The following CEP85 variants were observed in gnomAD, a reference collection of about 807,000 sequenced individuals.
CEP85 encodes centrosomal protein of 85 kDa.
Under a neutral mutation model 93.7 loss-of-function variants are expected in CEP85, and 58 were observed. That is an observed-to-expected ratio of 0.62 (90% confidence interval 0.50 to 0.77). CEP85 has a LOEUF of 0.77. Among genes scored for constraint, CEP85 ranks in the 30% least tolerant of loss-of-function variants. The pLI, the probability that CEP85 is intolerant of heterozygous loss-of-function variation, is 0.00. For missense variants in CEP85, 868 were observed against 922.0 expected (o/e 0.94, Z 0.76); for synonymous variants, 314 against 338.6 (o/e 0.93, Z 0.80).
Position 26,239,829 on chromosome 1 carries a change from A to G in CEP85, c.46A>G (p.Thr16Ala), listed in dbSNP as rs371437850. The G allele has an allele frequency of 1.2e-6, 2 of 1,613,100 alleles. No homozygotes were observed. Among genetic ancestry groups the G allele is most frequent in the African/African-American group, 2.7e-5 (2 of 74,924 alleles). ...KYPTEGISHV[T>A]SPSSDVIQKG... ...TCCAACTGAGGGGATCTCTCACGTC[A>G]CTTCACCGAGTGAGTAGTCAGAAGT... The change falls in exon 2 of 14, where the codon ACT becomes GCT. Residue 16 changes from threonine (T) to alanine (A), a missense_variant. By Grantham distance (58) the Thr-to-Ala change is moderately conservative. Coordinates refer to ENST00000451429, the MANE Select transcript of CEP85 (RefSeq NM_001319944.2).
intron 7 of CEP85, among the ~76,000 whole-genome samples, chr1:26,260,653 T>G (rs780792941): frequency 2.0e-5 from 3 of 152,208 alleles, no homozygotes; most frequent in Non-Finnish European, 2.9e-5. Flanking sequence ...GGAACCAGTT[T>G]AGTAATGTTA....
chr1:26,259,665 A>G lies in CEP85; in HGVS notation c.1204A>G (p.Thr402Ala). ...CTTACGTGCACAGTTTGCACAGAAG[A>G]CAGAAGCCTTGAGCAGAGAAAAGAT... Reference protein sequence around the residue: ...TFLRAQFAQKTEALSREKIDL... With the variant: ...TFLRAQFAQKAEALSREKIDL... The change falls in exon 7 of 14, where the codon ACA becomes GCA. Residue 402 changes from threonine to alanine, a missense_variant. By Grantham distance (58) the Thr-to-Ala change is moderately conservative. Coordinates refer to ENST00000451429, the MANE Select transcript of CEP85 (RefSeq NM_001319944.2). The G allele has an allele frequency of 6.2e-7, 1 of 1,613,822 alleles. No homozygotes were observed. Among genetic ancestry groups the G allele is most frequent in the Admixed American group, 1.7e-5 (1 of 59,920 alleles).
intron 2 of CEP85, among the ~76,000 whole-genome samples, chr1:26,241,563 C>T (rs372991169): frequency 1.2e-4 from 18 of 151,856 alleles, no homozygotes; most frequent in African/African-American, 3.9e-4. Flanking sequence ...ATTTTTTAAA[C>T]ATCTGCTATG....
At chr1:26,266,900 C>T (rs1458115823) in intron 7 of CEP85, among the ~76,000 whole-genome samples, 1 of 152,230 alleles carries the variant, frequency 6.6e-6, no homozygotes, top group African/African-American at 2.4e-5. Flanking sequence ...TCTCTCAAGT[C>T]TCATTAGCCT....
chr1:26,247,448 A>T (rs1292843062), intron 3 of CEP85, among the ~76,000 whole-genome samples: 1 of 152,010 alleles, frequency 6.6e-6, no homozygotes, highest in Non-Finnish European at 1.5e-5. Context: ...AAGAAAAAAA[A>T]AAAGCCAGGG....
intron 1 of CEP85, among the ~76,000 whole-genome samples, chr1:26,239,513 G>A (rs1212775583): frequency 2.6e-5 from 4 of 151,494 alleles, no homozygotes; most frequent in South Asian, 2.1e-4. Flanking sequence ...CACCATGCCC[G>A]GCCAATTTTT....
chr1:26,251,249 T>TG (rs1480751380), intron 3 of CEP85, among the ~76,000 whole-genome samples: 1 of 94,326 alleles, frequency 1.1e-5, no homozygotes, highest in Non-Finnish European at 2.2e-5. Flanking sequence ...AACCCAAGCT[T>TG]GGTTTTTTTT....
At chr1:26,269,391 C>G (rs374029156) in intron 8 of CEP85, 69 bp from the exon 9 acceptor site, 2 of 1,491,200 alleles carry the variant, frequency 1.3e-6, no homozygotes, top group Non-Finnish European at 1.9e-6. Flanking sequence ...TTTGTGACAC[C>G]GAGGAACAAG....
chr1:26,269,757 TAGGAAAGCTGCTTA>T, intron 9 of CEP85, 143 bp downstream of exon 9: 1 of 523,260 alleles, frequency 1.9e-6, no homozygotes, highest in Non-Finnish European at 3.4e-6. Context: ...CTGTGAATAA[TAGGAAAGCTGCTTA>T]TGGGAAGCGG....
intron 7 of CEP85, among the ~76,000 whole-genome samples, chr1:26,262,139 C>G (rs2124593854): frequency 6.6e-6 from 1 of 152,240 alleles, no homozygotes. Flanking sequence ...AACCCCATCT[C>G]TACTAAAAAT....
rs377506752 is a variant in CEP85, at chr1:26,269,562, C to T, written c.1597C>T (p.Gln533Ter). The part of the protein sequence containing the change: ...TQAICREKEI[Q>*]LESLRQREAE... ...GGCAATCTGCAGAGAGAAGGAGATT[C>T]AACTGGAAAGCCTGAGGCAGAGAGA... The change falls in exon 9 of 14, where the codon CAA (glutamine) becomes TAA (stop). Residue 533 changes from glutamine (Q) to a stop codon, truncating the protein, a stop_gained. Coordinates refer to ENST00000451429, the MANE Select transcript of CEP85 (RefSeq NM_001319944.2). LOFTEE classifies it high-confidence loss of function. The T allele has an allele frequency of 1.2e-6, 2 of 1,613,884 alleles. No homozygotes were observed. Among genetic ancestry groups the T allele is most frequent in the African/African-American group, 2.7e-5 (2 of 74,888 alleles).
At chr1:26,243,409 C>G (rs544480635) in intron 2 of CEP85, among the ~76,000 whole-genome samples, 1 of 151,866 alleles carries the variant, frequency 6.6e-6, no homozygotes, top group African/African-American at 2.4e-5. Context: ...ATGGTCATCC[C>G]CAGAATGCCA....
intron 7 of CEP85, among the ~76,000 whole-genome samples, chr1:26,262,180 G>A (rs6658150): frequency 0.15 from 22,503 of 152,034 alleles, 1,892 homozygotes; most frequent in African/African-American, 0.21. Context: ...GGTGGCGCAC[G>A]CCTATAGTCC....
At chr1:26,249,945 C>T (rs900228500) in intron 3 of CEP85, among the ~76,000 whole-genome samples, 5 of 152,114 alleles carry the variant, frequency 3.3e-5, no homozygotes, top group African/African-American at 1.2e-4. Flanking sequence ...CAGGTACCAT[C>T]ATAGTGTACT....
In CEP85 at chr1:26,259,666, C is replaced by G; in HGVS notation, c.1205C>G (p.Thr402Arg). Residue 402 changes from threonine (T) to arginine (R), a missense_variant, in exon 7 of 14, where the codon ACA becomes AGA. Coordinates refer to ENST00000451429, the MANE Select transcript of CEP85 (RefSeq NM_001319944.2). ...TFLRAQFAQKTEALSREKIDL... is the reference protein window; with the variant it reads ...TFLRAQFAQKREALSREKIDL... ...TTACGTGCACAGTTTGCACAGAAGACAGAAGCCTTGAGCAGAGAAAAGATT... is the reference window on the plus strand; with the variant it reads ...TTACGTGCACAGTTTGCACAGAAGAGAGAAGCCTTGAGCAGAGAAAAGATT... The G allele has an allele frequency of 6.2e-7, 1 of 1,613,792 alleles. No individual in the cohort carries two copies. The highest frequency in any genetic ancestry group is 8.5e-7 in the Non-Finnish European group (1 of 1,179,838).
chr1:26,248,722 C>CTGTTTTTTTTTTTTTTTTT (rs2089551003), intron 3 of CEP85, among the ~76,000 whole-genome samples: 1 of 56,194 alleles, frequency 1.8e-5, no homozygotes. Context: ...GTCTTGAACT[C>CTGTTTTTTTTTTTTTTTTT]TTTTTTTTTT....
At chr1:26,255,010 C>A (rs1034837832) in intron 3 of CEP85, among the ~76,000 whole-genome samples, 161 bp from the exon 4 acceptor site, 13 of 152,142 alleles carry the variant, frequency 8.5e-5, no homozygotes, top group African/African-American at 2.9e-4. Context: ...CTGGAACATA[C>A]ATCTCCCAGT....
At chr1:26,237,676 C>A (rs1414728967) in intron 1 of CEP85, among the ~76,000 whole-genome samples, 2 of 151,974 alleles carry the variant, frequency 1.3e-5, no homozygotes, top group Non-Finnish European at 2.9e-5. Context: ...TTTGTGTAAA[C>A]CTGTGTTTTC....
chr1:26,236,692 A>G (rs2124551643), intron 1 of CEP85, among the ~76,000 whole-genome samples: 1 of 152,330 alleles, frequency 6.6e-6, no homozygotes, highest in South Asian at 2.1e-4. Context: ...TGAGCCAAAT[A>G]TGGGTGACCA....
Sources: allele counts gnomAD v4.1 joint callset (sites outside exome capture counted in the v4.1 genomes callset), GRCh38; gene constraint gnomAD v4.1.1; transcripts MANE v1.5; gene names NCBI Gene and HGNC (gene_info 2026-07-23, HGNC 2026-07-21).